NEBL: variants seen among roughly 807,000 people sequenced by gnomAD.
NEBL encodes the protein LIM and SH3 protein 2.
NEBL carries 122 observed loss-of-function variants against 140.2 expected under a neutral mutation model. That is an observed-to-expected ratio of 0.87 (90% confidence interval 0.75 to 1.01). The LOEUF is 1.01. Among genes scored for constraint, NEBL ranks in the 50% least tolerant of loss-of-function variants. The pLI, the probability that NEBL is intolerant of heterozygous loss-of-function variation, is 0.00. For missense variants in NEBL, 1,365 were observed against 1,231.3 expected (o/e 1.11, Z -1.62); for synonymous variants, 436 against 398.9 (o/e 1.09, Z -1.11).
rs777752705 is a variant in NEBL, at chr10:20,813,962, C to T, written c.2323G>A (p.Glu775Lys). Reference sequence around the variant, plus strand: ...ACCATTGAAATATGATTTTGTGCTTCTTTAACATGTCTCATAGCAGGTGTA... The same window carrying T: ...ACCATTGAAATATGATTTTGTGCTTTTTTAACATGTCTCATAGCAGGTGTA... ...LDTPAMRHVK[E>K]AQNHISMVKY... Residue 775 changes from glutamate to lysine, a missense_variant, in exon 23 of 28, where the codon GAA (glutamate) becomes AAA (lysine). Glu to Lys is a moderately conservative substitution (Grantham distance 56, BLOSUM62 1). Around this residue, in one of 2 missense-constraint regions of NEBL, gnomAD observed 1,323 missense variants for 1,154.8 expected, o/e 1.15. Coordinates refer to ENST00000377122, the MANE Select transcript of NEBL (RefSeq NM_006393.3). The T allele has an allele frequency of 1.2e-6, 2 of 1,604,540 alleles. No homozygotes were observed. The highest frequency in any genetic ancestry group is 2.2e-5 in the East Asian group (1 of 44,822).
At chr10:20,790,245 A>T (rs1835836150) in intron 26 of NEBL, among the ~76,000 whole-genome samples, 1 of 151,962 alleles carries the variant, frequency 6.6e-6, no homozygotes, top group South Asian at 2.1e-4. Flanking sequence ...TTTCTTTGGG[A>T]TTATAAAACC....
chr10:21,054,212 G>C (rs562092230), intron 2 of NEBL, among the ~76,000 whole-genome samples: 2 of 152,114 alleles, frequency 1.3e-5, no homozygotes, highest in South Asian at 4.1e-4. Flanking sequence ...AGGTGGTTTG[G>C]GGTCCACGTA....
At chr10:21,227,702 TTCTTCTTCTTTC>T (rs1249398690) in intron 3 of NEBL, among the ~76,000 whole-genome samples, 152 of 68,228 alleles carry the variant, frequency 2.2e-3, no homozygotes, top group Admixed American at 5.6e-3. Context: ...CTTCTTCTTC[TTCTTCTTCTTTC>T]TTCTTCTTCT....
At chr10:20,830,175 C>T (rs1840269138) in intron 16 of NEBL, among the ~76,000 whole-genome samples, 1 of 152,184 alleles carries the variant, frequency 6.6e-6, no homozygotes, top group Non-Finnish European at 1.5e-5. Context: ...TGATACTACC[C>T]TTTTGAACTA....
rs773420259 is a variant in NEBL at position 20,880,795 on chromosome 10, T to C, written c.479A>G (p.Asn160Ser). 7 of 1,605,144 alleles carry C rather than the reference T, an allele frequency of 4.4e-6. No individual in the cohort carries two copies. The highest frequency in any genetic ancestry group is 5.1e-6 in the Non-Finnish European group (6 of 1,171,852). Residue 160 changes from asparagine (N) to serine (S), a missense_variant and splice_region_variant, in exon 5 of 28, where the codon AAT (asparagine) becomes AGT (serine). Transcript: ENST00000377122. ...HAMEVNKHQS[N>S]ISYRKDVQDT... ...ATCATGAGAAATGCGCTTCCTTACATTACTCTGGTGTTTATTGACCTCCAT... is the reference window on the plus strand; with the variant it reads ...ATCATGAGAAATGCGCTTCCTTACACTACTCTGGTGTTTATTGACCTCCAT...
At chr10:20,925,032 A>G (rs1589021697) in intron 4 of NEBL, among the ~76,000 whole-genome samples, 1 of 151,190 alleles carries the variant, frequency 6.6e-6, no homozygotes, top group Admixed American at 6.6e-5. Context: ...CTAGCATATT[A>G]AAAAAAAATT....
intron 2 of NEBL, among the ~76,000 whole-genome samples, chr10:21,251,242 G>T (rs1258702851): frequency 6.6e-6 from 1 of 152,122 alleles, no homozygotes; most frequent in Admixed American, 6.5e-5. Flanking sequence ...CTCAAAATTA[G>T]TAAGATAGAA....
chr10:21,173,890 T>C lies in NEBL; in HGVS notation c.-57A>G. 1 of 1,595,188 alleles carries C rather than the reference T, an allele frequency of 6.3e-7. No individual in the cohort carries two copies. The highest frequency in any genetic ancestry group is 1.1e-5 in the South Asian group (1 of 90,048). On this transcript the variant is annotated 5_prime_UTR_variant, in exon 1 of 7. Coordinates refer to the NEBL transcript ENST00000417816. This position sits in a 1 kb window ranked among gnomAD's most constrained non-coding sequence, Gnocchi z 5.7. Reference sequence around the variant, plus strand: ...GGCTGCTGGCTCCCAGGAGCCGCTGTGACATCCCCCGGCGAGCCCCGCACC... The same window carrying C: ...GGCTGCTGGCTCCCAGGAGCCGCTGCGACATCCCCCGGCGAGCCCCGCACC...
intron 1 of NEBL, among the ~76,000 whole-genome samples, chr10:21,276,875 A>G (rs1842931106): frequency 6.6e-6 from 1 of 152,154 alleles, no homozygotes; most frequent in Non-Finnish European, 1.5e-5. Flanking sequence ...AAGCTGAGGC[A>G]TGAGAATCAC....
intron 4 of NEBL, among the ~76,000 whole-genome samples, chr10:20,930,975 CCT>C (rs921799336): frequency 2.6e-5 from 4 of 152,136 alleles, no homozygotes; most frequent in African/African-American, 9.7e-5. Context: ...GAAACAAACG[CCT>C]GTACCTTTAC....
chr10:20,929,643 TAACTC>T (rs1300711593), intron 4 of NEBL, among the ~76,000 whole-genome samples: 2 of 149,914 alleles, frequency 1.3e-5, no homozygotes, highest in East Asian at 2.0e-4. Flanking sequence ...TTAAGTGAAA[TAACTC>T]AGGAAGTCAG....
In NEBL at chr10:21,173,686, C is replaced by T; in HGVS notation, c.69+79G>A. On this transcript the variant is annotated intron_variant, in intron 1 of 6. Transcript: ENST00000417816. The surrounding 1 kb of genome is among the most constrained non-coding windows in gnomAD (Gnocchi z 5.7). ...CACCGACCCACTCATTGCTTTCCAT[C>T]CCAGGTGCCAAAACTTCTCGAAGCA... The T allele has an allele frequency of 6.2e-7, 1 of 1,604,812 alleles. No individual in the cohort carries two copies. The highest frequency in any genetic ancestry group is 8.5e-7 in the Non-Finnish European group (1 of 1,178,432).
At chr10:20,822,398 T>A (rs1370091300) in intron 19 of NEBL, among the ~76,000 whole-genome samples, 1 of 151,798 alleles carries the variant, frequency 6.6e-6, no homozygotes, top group African/African-American at 2.4e-5. Context: ...CCTATTTTCA[T>A]AAATATATAT....
chr10:21,049,257 A>G (rs146100004), intron 2 of NEBL, among the ~76,000 whole-genome samples: 86 of 152,322 alleles, frequency 5.6e-4, no homozygotes, highest in African/African-American at 1.9e-3. Flanking sequence ...CTGACATATC[A>G]CATTGAACAT....
intron 17 of NEBL, among the ~76,000 whole-genome samples, chr10:20,827,173 A>G (rs954986914): frequency 5.3e-5 from 8 of 152,218 alleles, no homozygotes; most frequent in Non-Finnish European, 1.2e-4. Flanking sequence ...AGAAAAACAG[A>G]GTAATTATAA....
chr10:21,156,269 G>A lies in NEBL; in HGVS notation c.164+16114C>T, dbSNP rs550290477. On this transcript the variant is annotated intron_variant, in intron 2 of 6. Transcript: ENST00000417816. ...ATCTTTTTGGTGTGGTTGTAAGCACGGGGCAAAAAAGTACAAATGTGCTTT... is the reference window on the plus strand; with the variant it reads ...ATCTTTTTGGTGTGGTTGTAAGCACAGGGCAAAAAAGTACAAATGTGCTTT... Among the ~76,000 whole-genome samples the A allele has an allele frequency of 1.6e-3, 248 of 152,180 alleles. No homozygotes were observed. In the South Asian group the frequency reaches 0.017, roughly 10 times the overall value.
chr10:20,845,292 A>G lies in NEBL; in HGVS notation c.1193T>C (p.Leu398Ser). Reference protein sequence around the residue: ...SLDLDKTPEFLHVKYITNLLR... With the variant: ...SLDLDKTPEFSHVKYITNLLR... The stretch of plus-strand genomic sequence containing the variant: ...AAGGTTGGTGATGTACTTTACATGT[A>G]AAAATTCTGGAGTCTTGTCTAAATC... Residue 398 changes from leucine to serine, a missense_variant, in exon 12 of 28, where the codon TTA becomes TCA. By Grantham distance (145) the Leu-to-Ser change is moderately radical. Transcript: ENST00000377122. 6.3e-7 allele frequency: 1 copy of G among 1,599,688 alleles called. No homozygotes were observed. Among genetic ancestry groups the G allele is most frequent in the Non-Finnish European group, 8.6e-7 (1 of 1,167,232 alleles).
chr10:21,104,339 C>T (rs1837613250), intron 2 of NEBL, among the ~76,000 whole-genome samples: 1 of 152,170 alleles, frequency 6.6e-6, no homozygotes, highest in Non-Finnish European at 1.5e-5. Flanking sequence ...GATATCTTAA[C>T]AATATTGAGT....
At chr10:21,261,445 A>C (rs568760691) in intron 1 of NEBL, among the ~76,000 whole-genome samples, 1 of 152,210 alleles carries the variant, frequency 6.6e-6, no homozygotes, top group East Asian at 1.9e-4. Flanking sequence ...GGATTGCTTG[A>C]GCCCAGGAGT....
Sources: gnomAD v4.1 joint callset for allele counts (sites outside exome capture counted in the v4.1 genomes callset) on GRCh38, gnomAD v4.1.1 for gene constraint, gnomAD v4.1.1 regional missense constraint, Gnocchi (gnomAD v3.1) non-coding constraint, MANE v1.5 for transcripts, NCBI Gene and HGNC (gene_info 2026-07-23, HGNC 2026-07-21) for gene names.